The following PTPRM variants were observed in gnomAD, a reference collection of about 807,000 sequenced individuals.
PTPRM encodes the protein protein tyrosine phosphatase receptor type M.
PTPRM carries 47 observed loss-of-function variants against 186.7 expected under a neutral mutation model. That is an observed-to-expected ratio of 0.25 (90% CI 0.20 to 0.32). The LOEUF is 0.32. PTPRM is among the 10% of genes least tolerant of loss of function. PTPRM has a pLI of 1.00. For synonymous variants in PTPRM, 668 were observed against 674.9 expected (o/e 0.99, Z 0.16); for missense variants, 1,494 against 1,865.0 (o/e 0.80, Z 3.66).
chr18:8,381,439 C>A (rs2095735301), intron 29 of PTPRM, among the ~76,000 whole-genome samples: 3 of 150,796 alleles, frequency 2.0e-5, no homozygotes, highest in Admixed American at 2.0e-4. Flanking sequence ...TTCCTACAAT[C>A]TGTTTTCTTG....
chr18:7,688,062 A>G (rs1303466724), intron 1 of PTPRM, among the ~76,000 whole-genome samples: 1 of 152,148 alleles, frequency 6.6e-6, no homozygotes. Context: ...GGCATGAGCC[A>G]CTGTGCCTGG....
At chr18:8,317,767 A>G (rs2095319705) in intron 21 of PTPRM, among the ~76,000 whole-genome samples, 1 of 152,198 alleles carries the variant, frequency 6.6e-6, no homozygotes, top group South Asian at 2.1e-4. Flanking sequence ...CTGAGAAATG[A>G]TGGTGATGTT....
chr18:7,861,526 T>A (rs1168080387), intron 2 of PTPRM, among the ~76,000 whole-genome samples: 2 of 152,126 alleles, frequency 1.3e-5, no homozygotes, highest in African/African-American at 2.4e-5. Flanking sequence ...TTATTTTGGG[T>A]AAATTGAAAT....
chr18:8,129,273 T>C (rs1045101954), intron 13 of PTPRM, among the ~76,000 whole-genome samples: 4 of 152,194 alleles, frequency 2.6e-5, no homozygotes, highest in African/African-American at 9.6e-5. Context: ...TTGATGTTAA[T>C]AAAAATGAGA....
chr18:7,660,863 C>T (rs1207836755), intron 1 of PTPRM, among the ~76,000 whole-genome samples: 4 of 151,970 alleles, frequency 2.6e-5, no homozygotes, highest in African/African-American at 9.7e-5. Context: ...CCCAGCTACT[C>T]AGGAGGCTGA....
intron 1 of PTPRM, among the ~76,000 whole-genome samples, chr18:7,700,856 A>T (rs868702787): frequency 1.3e-5 from 2 of 151,042 alleles, no homozygotes; most frequent in Non-Finnish European, 2.9e-5. Context: ...TGGACATGGT[A>T]GTGTATACCT....
intron 2 of PTPRM, among the ~76,000 whole-genome samples, chr18:7,798,140 T>A (rs1372473868): frequency 6.6e-6 from 1 of 152,052 alleles, no homozygotes; most frequent in Non-Finnish European, 1.5e-5. Flanking sequence ...AAAGAGTAAA[T>A]AAAATACCCA....
At chr18:7,806,519 T>A (rs998278485) in intron 2 of PTPRM, among the ~76,000 whole-genome samples, 1 of 152,166 alleles carries the variant, frequency 6.6e-6, no homozygotes, top group Admixed American at 6.5e-5. Flanking sequence ...AATTAAAATA[T>A]AGCAATGAAA....
chr18:8,338,267 A>G (rs1213160811), intron 22 of PTPRM, among the ~76,000 whole-genome samples: 1 of 151,522 alleles, frequency 6.6e-6, no homozygotes, highest in Non-Finnish European at 1.5e-5. Flanking sequence ...CCTAGAACTT[A>G]AAGTATAATT....
chr18:7,978,512 T>C (rs998812194), intron 7 of PTPRM, among the ~76,000 whole-genome samples: 1 of 152,336 alleles, frequency 6.6e-6, no homozygotes, highest in Middle Eastern at 3.4e-3. Context: ...ATATCTAGAC[T>C]TAGTGAAGTG....
At chr18:7,663,388 C>T (rs1240102484) in intron 1 of PTPRM, among the ~76,000 whole-genome samples, 2 of 152,184 alleles carry the variant, frequency 1.3e-5, no homozygotes, top group East Asian at 1.9e-4. Flanking sequence ...ACTGGGAATA[C>T]AGCAGTGAAC....
At chr18:7,975,715 A>G (rs186636508) in intron 7 of PTPRM, among the ~76,000 whole-genome samples, 54 of 152,338 alleles carry the variant, frequency 3.5e-4, no homozygotes, top group African/African-American at 1.2e-3. Flanking sequence ...AGTTGCCTAC[A>G]GTATTCAGTA....
intron 15 of PTPRM, among the ~76,000 whole-genome samples, 174 bp from the exon 16 acceptor site, chr18:8,247,671 G>C (rs1261401498): frequency 6.6e-6 from 1 of 152,124 alleles, no homozygotes; most frequent in African/African-American, 2.4e-5. Context: ...GTCTTCTAAA[G>C]GATAAGTAAG....
chr18:7,704,527 A>G (rs2040034478), intron 1 of PTPRM, among the ~76,000 whole-genome samples: 1 of 152,062 alleles, frequency 6.6e-6, no homozygotes, highest in African/African-American at 2.4e-5. Context: ...TATTCGCTTT[A>G]TCATTTTTTA....
At chr18:8,155,330 G>A (rs192533998) in intron 14 of PTPRM, among the ~76,000 whole-genome samples, 1 of 152,214 alleles carries the variant, frequency 6.6e-6, no homozygotes, top group East Asian at 1.9e-4. Flanking sequence ...GAGAACATTT[G>A]TATTAATTAT....
intron 1 of PTPRM, among the ~76,000 whole-genome samples, chr18:7,595,357 G>A (rs996059509): frequency 2.6e-5 from 4 of 152,176 alleles, no homozygotes; most frequent in Non-Finnish European, 5.9e-5. Context: ...TGCCTCTGAG[G>A]AGGAATTGGC....
chr18:8,191,929 A>G (rs1405680159), intron 14 of PTPRM, among the ~76,000 whole-genome samples: 1 of 152,234 alleles, frequency 6.6e-6, no homozygotes, highest in African/African-American at 2.4e-5. Flanking sequence ...AAAGATTTCA[A>G]GTAACTTCTG....
chr18:7,959,165 A>G (rs1374148032), intron 7 of PTPRM, among the ~76,000 whole-genome samples: 1 of 152,228 alleles, frequency 6.6e-6, no homozygotes, highest in Non-Finnish European at 1.5e-5. Context: ...ACTCTTACAT[A>G]TAGCATGTGG....
chr18:8,074,487 T>A (rs537054458), intron 8 of PTPRM, among the ~76,000 whole-genome samples: 1 of 152,282 alleles, frequency 6.6e-6, no homozygotes, highest in African/African-American at 2.4e-5. Flanking sequence ...TGCCGGAGTG[T>A]TTTCAAAGTA....
Sources: gnomAD v4.1 joint callset for allele counts (sites outside exome capture counted in the v4.1 genomes callset) on GRCh38, gnomAD v4.1.1 for gene constraint, MANE v1.5 for transcripts, NCBI Gene and HGNC (gene_info 2026-07-23, HGNC 2026-07-21) for gene names.